The following CEP128 variants were observed in gnomAD, a reference collection of about 807,000 sequenced individuals.
The protein encoded by CEP128 is centrosomal protein 128kDa.
Under a neutral mutation model 156.7 loss-of-function variants are expected in CEP128, and 132 were observed. The ratio of observed to expected loss-of-function variants is 0.84; its 90% CI spans 0.73 to 0.97. The LOEUF is 0.97. Ranked by LOEUF, CEP128 falls within the 50% of genes least tolerant of loss-of-function variation. The pLI, the probability that CEP128 is intolerant of heterozygous loss-of-function variation, is 0.00. For missense variants in CEP128, 1,252 were observed against 1,281.9 expected (o/e 0.98, Z 0.36); for synonymous variants, 469 against 448.9 (o/e 1.04, Z -0.57).
chr14:80,812,117 T>TG (rs1242946475), intron 13 of CEP128, among the ~76,000 whole-genome samples: 2 of 152,234 alleles, frequency 1.3e-5, no homozygotes, highest in Admixed American at 6.5e-5. Context: ...GTGTAATCAC[T>TG]GTTTAGCTCC....
At chr14:80,638,487 T>C (rs1014595421) in intron 19 of CEP128, among the ~76,000 whole-genome samples, 6 of 152,214 alleles carry the variant, frequency 3.9e-5, no homozygotes, top group Non-Finnish European at 8.8e-5. Context: ...CGTAGGGCTC[T>C]GTAGTTCACT....
At chr14:80,544,586 C>T (rs923385916) in intron 21 of CEP128, among the ~76,000 whole-genome samples, 3 of 152,174 alleles carry the variant, frequency 2.0e-5, no homozygotes, top group South Asian at 2.1e-4. Flanking sequence ...CCTACCTTGC[C>T]GGCTTGCAAG....
intron 19 of CEP128, among the ~76,000 whole-genome samples, chr14:80,607,504 T>A (rs1303271321): frequency 1.3e-5 from 2 of 152,192 alleles, no homozygotes; most frequent in Non-Finnish European, 2.9e-5. Flanking sequence ...ACTGACCATC[T>A]ACCCTAGGTG....
At chr14:80,510,363 A>G (rs1389821854) in intron 23 of CEP128, among the ~76,000 whole-genome samples, 2 of 152,002 alleles carry the variant, frequency 1.3e-5, no homozygotes, top group Non-Finnish European at 2.9e-5. Context: ...ATTCCTAGGT[A>G]TCTTCTTTGC....
intron 18 of CEP128, among the ~76,000 whole-genome samples, chr14:80,755,841 A>C (rs894974874): frequency 2.0e-5 from 3 of 152,144 alleles, no homozygotes; most frequent in Non-Finnish European, 4.4e-5. Context: ...TTTCATCACA[A>C]CCCGTTTACA....
At chr14:80,603,926 T>A (rs571826279) in intron 19 of CEP128, among the ~76,000 whole-genome samples, 1 of 152,352 alleles carries the variant, frequency 6.6e-6, no homozygotes, top group East Asian at 1.9e-4. Context: ...CCTTTCTTGC[T>A]AATTTGAGTA....
chr14:80,665,417 A>C (rs1017644084), intron 19 of CEP128, among the ~76,000 whole-genome samples: 2 of 152,214 alleles, frequency 1.3e-5, no homozygotes, highest in African/African-American at 4.8e-5. Flanking sequence ...GGAATGCTGG[A>C]TTTAATTGAC....
At chr14:80,494,865 T>C (rs894762144), downstream of CEP128, among the ~76,000 whole-genome samples, 5 of 152,152 alleles carry the variant, frequency 3.3e-5, no homozygotes, top group African/African-American at 1.2e-4. Flanking sequence ...TCTGGGAAAC[T>C]GGGTGCATAA....
At chr14:80,545,331 A>G (rs1210710148) in intron 21 of CEP128, among the ~76,000 whole-genome samples, 1 of 152,226 alleles carries the variant, frequency 6.6e-6, no homozygotes, top group Non-Finnish European at 1.5e-5. Flanking sequence ...GAGTAGTAAG[A>G]GGAAAAATTA....
At chr14:80,882,299 A>G (rs931308973) in intron 8 of CEP128, among the ~76,000 whole-genome samples, 4 of 152,186 alleles carry the variant, frequency 2.6e-5, no homozygotes, top group African/African-American at 9.6e-5. Flanking sequence ...AAGGCATACA[A>G]ATGGCAAGCA....
intron 13 of CEP128, among the ~76,000 whole-genome samples, chr14:80,808,552 C>T (rs1367348908): frequency 1.3e-5 from 2 of 152,128 alleles, no homozygotes; most frequent in African/African-American, 4.8e-5. Context: ...TGGACCACCG[C>T]TACCACTACC....
At chr14:80,590,524 A>G (rs1892008150) in intron 19 of CEP128, among the ~76,000 whole-genome samples, 2 of 152,092 alleles carry the variant, frequency 1.3e-5, no homozygotes, top group Admixed American at 1.3e-4. Context: ...AGGAATAAAG[A>G]TGAAGGCAAG....
intron 18 of CEP128, among the ~76,000 whole-genome samples, chr14:80,749,117 T>C (rs1028753908): frequency 7.2e-5 from 11 of 152,038 alleles, no homozygotes; most frequent in Non-Finnish European, 1.5e-4. Context: ...CTCCTCCACC[T>C]CCAGGCAGTT....
At chr14:80,614,647 T>C (rs963098560) in intron 19 of CEP128, among the ~76,000 whole-genome samples, 2 of 152,224 alleles carry the variant, frequency 1.3e-5, no homozygotes, top group Non-Finnish European at 2.9e-5. Flanking sequence ...TCTATTTTCA[T>C]AGTGCTGCTC....
At chr14:80,727,178 C>T (rs900486243) in intron 19 of CEP128, among the ~76,000 whole-genome samples, 1 of 152,070 alleles carries the variant, frequency 6.6e-6, no homozygotes, top group Non-Finnish European at 1.5e-5. Context: ...TAACATCGAC[C>T]TTATACCACG....
chr14:80,883,997 G>A (rs1488685284), intron 8 of CEP128, among the ~76,000 whole-genome samples: 1 of 152,078 alleles, frequency 6.6e-6, no homozygotes, highest in African/African-American at 2.4e-5. Context: ...TCTCTTAAAT[G>A]GTGCTGGGAA....
Position 80,777,918 on chromosome 14 carries a change from T to C in CEP128, c.2340A>G (p.Leu780=), listed in dbSNP as rs750600580. Reference sequence around the variant, plus strand: ...GTTGATCCTTCAAACATTGATATTTTAGCTTCAGTTTTTTGTTCTCATTTT... The same window carrying C: ...GTTGATCCTTCAAACATTGATATTTCAGCTTCAGTTTTTTGTTCTCATTTT... The part of the protein sequence containing the change: ...QNENENKKLK[L]KYQCLKDQLE... The change falls in exon 16 of 25, where the codon CTA becomes CTG. Residue 780 remains leucine, a synonymous_variant. Coordinates refer to ENST00000555265, the MANE Select transcript of CEP128 (RefSeq NM_152446.5). The C allele has an allele frequency of 5.0e-6, 8 of 1,611,550 alleles. No individual in the cohort carries two copies. Among genetic ancestry groups the C allele is most frequent in the Middle Eastern group, 1.7e-4 (1 of 6,044 alleles).
At chr14:80,950,448 G>A (rs559063289) in intron 2 of CEP128, among the ~76,000 whole-genome samples, 1 of 152,166 alleles carries the variant, frequency 6.6e-6, no homozygotes, top group East Asian at 1.9e-4. Context: ...TATGAAAAAA[G>A]CCCCAAGTTG....
chr14:80,693,679 T>C (rs1896793763), intron 19 of CEP128, among the ~76,000 whole-genome samples: 1 of 152,178 alleles, frequency 6.6e-6, no homozygotes. Flanking sequence ...AAAAGTATCA[T>C]AAAGAGGCAG....
Sources: gnomAD v4.1 joint callset for allele counts (sites outside exome capture counted in the v4.1 genomes callset) on GRCh38, gnomAD v4.1.1 for gene constraint, MANE v1.5 for transcripts, NCBI Gene and HGNC (gene_info 2026-07-23, HGNC 2026-07-21) for gene names.